PKP2: variants seen among roughly 807,000 people sequenced by gnomAD.
PKP2 encodes the protein plakophilin 2.
PKP2 carries 73 observed loss-of-function variants against 83.4 expected under a neutral mutation model. That is an observed-to-expected ratio of 0.88 (90% CI 0.72 to 1.06). The LOEUF (loss-of-function observed/expected upper bound fraction) is 1.06. Among genes scored for constraint, PKP2 ranks in the 50% least tolerant of loss-of-function variants. The pLI is 0.00. For synonymous variants in PKP2, 409 were observed against 430.4 expected (o/e 0.95, Z 0.62); for missense variants, 966 against 1,065.4 (o/e 0.91, Z 1.30).
intron 6 of PKP2, among the ~76,000 whole-genome samples, chr12:32,825,207 C>T (rs559527531): frequency 8.1e-6 from 1 of 123,842 alleles, no homozygotes; most frequent in African/African-American, 3.1e-5. Context: ...CTCACTCTGT[C>T]ACCAGGGCTG....
chr12:32,896,309 T>C (rs988357695), intron 1 of PKP2, among the ~76,000 whole-genome samples, 200 bp downstream of exon 1: 4 of 152,236 alleles, frequency 2.6e-5, no homozygotes, highest in Non-Finnish European at 5.9e-5. Context: ...TATACATAGG[T>C]ACCTATATGA....
intron 1 of PKP2, among the ~76,000 whole-genome samples, chr12:32,888,794 C>CTTTT (rs35583236): frequency 2.9e-5 from 4 of 136,976 alleles, no homozygotes; most frequent in Non-Finnish European, 3.1e-5. Flanking sequence ...CGCCCGGCCT[C>CTTTT]TTTTTTTTTT....
At position 32,839,374 on chromosome 12, in the gene PKP2, CTTT is replaced by C. The variant is rs758561343; in HGVS notation, c.1556+1651_1556+1653del. Reference sequence around the variant, plus strand: ...ACAATCATTTTAAGAAAGATGTGCACTTTTTTTTTTTTTTTTTTGTGGCTAAGC... The same window carrying C: ...ACAATCATTTTAAGAAAGATGTGCACTTTTTTTTTTTTTTTGTGGCTAAGC... On this transcript the variant is annotated intron_variant, in intron 6 of 12. Coordinates refer to ENST00000340811, the MANE Select transcript of PKP2 (RefSeq NM_001005242.3). 6.1e-3 allele frequency among the ~76,000 whole-genome samples: 794 copies of C among 130,188 alleles called. 2 individuals are homozygous for C. The highest frequency in any genetic ancestry group is 0.011 in the Non-Finnish European group (679 of 62,970). 85.4% of individuals were successfully genotyped at this position (130,188 alleles called of 152,430 possible).
chr12:32,796,179 A>G lies in PKP2; in HGVS notation c.2287T>C (p.Tyr763His). 2 of 1,614,074 alleles carry G rather than the reference A, an allele frequency of 1.2e-6. No individual in the cohort carries two copies. Among genetic ancestry groups the G allele is most frequent in the Non-Finnish European group, 8.5e-7 (1 of 1,180,010 alleles). ...TTTAGAAGGTCGCGTGCATTCTGGT[A>G]ACTGTTTTGGATTATGTTGTTCAAT... ...YTLNNIIQNS[Y>H]QNARDLLNTG... Residue 763 changes from tyrosine to histidine, a missense_variant, in exon 11 of 13, where the codon TAC becomes CAC. Tyr to His is a moderately conservative substitution (Grantham distance 83). Transcript: ENST00000340811.
rs578175117 is a variant in PKP2 at position 32,847,904 on chromosome 12, A to T, written c.1378+2862T>A. 1.8e-4 allele frequency among the ~76,000 whole-genome samples: 28 copies of T among 152,130 alleles called. No homozygotes were observed. The South Asian group carries it at 5.8e-3, about 32-fold the overall frequency. ...TCTCATGAGCCCAGAAGAACAGCCC[A>T]GGCAGCACAGCGAGATCCCCATCCT... On this transcript the variant is annotated intron_variant, in intron 5 of 12. Transcript: ENST00000340811.
chr12:32,878,394 C>T lies in PKP2; in HGVS notation c.486G>A (p.Thr162=), dbSNP rs189040311. 20 of 1,613,842 alleles carry T rather than the reference C, an allele frequency of 1.2e-5. No individual in the cohort carries two copies. In the Admixed American group the frequency reaches 1.7e-4, roughly 13 times the overall value. The change falls in exon 3 of 13, where the codon ACG becomes ACA. Residue 162 remains threonine (T), a synonymous_variant. Coordinates refer to ENST00000340811, the MANE Select transcript of PKP2 (RefSeq NM_001005242.3). ...PDSSPERAHY[T]HSDYQYSQRS... ...TCTGGCTGTACTGGTAATCGCTGTG[C>T]GTGTAGTGAGCCCTCTCCGGGCTGC... is the stretch of plus-strand genomic sequence containing the variant.
chr12:32,827,953 C>G (rs1956458432), intron 6 of PKP2, among the ~76,000 whole-genome samples: 1 of 152,136 alleles, frequency 6.6e-6, no homozygotes, highest in Non-Finnish European at 1.5e-5. Context: ...AATTTAAAAA[C>G]AGGTCCTTAG....
At chr12:32,834,301 G>GGAA (rs1402684996) in intron 6 of PKP2, among the ~76,000 whole-genome samples, 1 of 152,142 alleles carries the variant, frequency 6.6e-6, no homozygotes, top group African/African-American at 2.4e-5. Context: ...CCTTCAACAA[G>GGAA]TACTCAAGGA....
At chr12:32,795,473 T>C (rs529582190) in intron 11 of PKP2, among the ~76,000 whole-genome samples, 1 of 151,994 alleles carries the variant, frequency 6.6e-6, no homozygotes, top group African/African-American at 2.4e-5. Context: ...CTCTGCCTCC[T>C]GGGCTCAAGT....
At chr12:32,825,605 T>C (rs1177816404) in intron 6 of PKP2, among the ~76,000 whole-genome samples, 1 of 152,188 alleles carries the variant, frequency 6.6e-6, no homozygotes, top group Non-Finnish European at 1.5e-5. Flanking sequence ...ACTTTCTTCA[T>C]CTTTAAAATA....
intron 4 of PKP2, among the ~76,000 whole-genome samples, chr12:32,864,985 A>G (rs1956833831): frequency 6.6e-6 from 1 of 152,212 alleles, no homozygotes; most frequent in African/African-American, 2.4e-5. Flanking sequence ...GGACGTAAGA[A>G]TGTTTCACAT....
chr12:32,891,768 T>C (rs1245941300), intron 1 of PKP2, among the ~76,000 whole-genome samples: 1 of 152,204 alleles, frequency 6.6e-6, no homozygotes, highest in African/African-American at 2.4e-5. Flanking sequence ...TGGGTCTACT[T>C]GTGGTTTCTT....
chr12:32,792,691 G>A lies in PKP2; in HGVS notation c.2398C>T (p.Leu800=), dbSNP rs2137698131. 6.2e-7 allele frequency: 1 copy of A among 1,614,122 alleles called. No individual in the cohort carries two copies. Residue 800 remains leucine (L), a synonymous_variant, in exon 12 of 13, where the codon CTG becomes TTG. Coordinates refer to ENST00000340811, the MANE Select transcript of PKP2 (RefSeq NM_001005242.3). ...TCCGTGTGTGCCCACAGAGAATACA[G>A]AAGGACGGAAGCAGCTTTACTTGCT... ...NKASKAASVL[L]YSLWAHTELH... is the part of the protein sequence containing the mutation.
rs375035084 is a variant in PKP2 at position 32,878,943 on chromosome 12, G to A, written c.313C>T (p.Pro105Ser). 1 of 1,588,214 alleles carries A rather than the reference G, an allele frequency of 6.3e-7. No homozygotes were observed. Among genetic ancestry groups the A allele is most frequent in the South Asian group, 1.1e-5 (1 of 90,538 alleles). The change falls in exon 2 of 13, where the codon CCT (proline) becomes TCT (serine). Residue 105 changes from proline (P) to serine (S), a missense_variant. By Grantham distance (74) the Pro-to-Ser change is moderately conservative. Coordinates refer to ENST00000340811, the MANE Select transcript of PKP2 (RefSeq NM_001005242.3). ...NDFVGGRSPV[P>S]KTYDMLKAGT... ...ACCTTTAGCATGTCATAGGTTTTAGGAACAGGGGAACGGCCTCCAACAAAA... is the reference window on the plus strand; with the variant it reads ...ACCTTTAGCATGTCATAGGTTTTAGAAACAGGGGAACGGCCTCCAACAAAA...
intron 10 of PKP2, among the ~76,000 whole-genome samples, chr12:32,801,054 A>G (rs1356739343): frequency 6.6e-6 from 1 of 152,226 alleles, no homozygotes; most frequent in South Asian, 2.1e-4. Flanking sequence ...TTTTACTTAT[A>G]TATTTGACAT....
chr12:32,822,738 TG>T (rs1444725014), intron 7 of PKP2, 107 bp from the exon 8 acceptor site: 11 of 1,246,004 alleles, frequency 8.8e-6, no homozygotes, highest in Non-Finnish European at 1.3e-5. Context: ...CAGATGCAAC[TG>T]GGTGTGCTTA....
intron 4 of PKP2, among the ~76,000 whole-genome samples, chr12:32,858,735 T>G (rs1192809886): frequency 1.3e-5 from 2 of 152,140 alleles, no homozygotes; most frequent in African/African-American, 4.8e-5. Flanking sequence ...ATATGTGTAA[T>G]AGGTAAAGAA....
intron 2 of PKP2, 34 bp downstream of exon 2, chr12:32,878,886 C>A (rs1156931737): frequency 1.9e-6 from 2 of 1,079,202 alleles, no homozygotes; most frequent in South Asian, 1.2e-5. Context: ...TGGTAGTAAT[C>A]TGATCACTAG....
chr12:32,797,149 A>G (rs1488333476), intron 10 of PKP2, among the ~76,000 whole-genome samples: 1 of 152,090 alleles, frequency 6.6e-6, no homozygotes, highest in East Asian at 1.9e-4. Flanking sequence ...AATAATACAT[A>G]ATATTATTGG....
Sources: gnomAD v4.1 joint callset for allele counts (sites outside exome capture counted in the v4.1 genomes callset) on GRCh38, gnomAD v4.1.1 for gene constraint, MANE v1.5 for transcripts, NCBI Gene and HGNC (gene_info 2026-07-23, HGNC 2026-07-21) for gene names.